KHDRBS2: variants seen among roughly 807,000 people sequenced by gnomAD.
KHDRBS2 encodes KH domain-containing, RNA-binding, signal transduction-associated protein 2.
In KHDRBS2, 26 loss-of-function variants were observed where a neutral mutation model predicts 44.3. That is an observed-to-expected ratio of 0.59 (90% CI 0.43 to 0.81). The LOEUF is 0.81. KHDRBS2 is among the 40% of genes least tolerant of loss of function. The probability of loss-of-function intolerance (pLI) is 0.00; values close to 1 mark genes in which losing one functional copy is unlikely to be tolerated. For missense variants in KHDRBS2, 476 were observed against 433.1 expected, an observed-to-expected ratio of 1.10 and a Z score of -0.88; for synonymous variants, 194 against 151.1, an observed-to-expected ratio of 1.28 and a Z score of -2.08.
chr6:61,587,110 A>G, the KHDRBS2 span, among the ~76,000 whole-genome samples: 4 of 151,992 alleles, frequency 2.6e-5, no homozygotes, highest in Non-Finnish European at 5.9e-5. Context: ...CCCCACCAAC[A>G]CTCTGTGCTG....
chr6:61,920,195 A>T (rs1807805986), intron 4 of KHDRBS2, among the ~76,000 whole-genome samples: 1 of 151,922 alleles, frequency 6.6e-6, no homozygotes, highest in African/African-American at 2.4e-5. Context: ...TCATGCAGCA[A>T]TTATGAATAT....
At position 61,720,061 on chromosome 6, in the gene KHDRBS2, G is replaced by A. The variant is rs549931717; in HGVS notation, c.893+12621C>T. 2.0e-5 allele frequency among the ~76,000 whole-genome samples: 3 copies of A among 152,162 alleles called. No individual in the cohort carries two copies. In the East Asian group the frequency reaches 5.8e-4, roughly 29 times the overall value. ...TTTTGTTCTTGCGATAGTTTACTGA[G>A]AATGATGATTTCCAATTTCATCCAT... On this transcript the variant is annotated intron_variant, in intron 7 of 8. Transcript: ENST00000281156.
At chr6:61,883,654 T>C (rs1800520515) in intron 6 of KHDRBS2, among the ~76,000 whole-genome samples, 1 of 152,094 alleles carries the variant, frequency 6.6e-6, no homozygotes, top group South Asian at 2.1e-4. Context: ...ATAAATGTAA[T>C]ATTTTAACAG....
At chr6:61,550,673 G>A in the KHDRBS2 span, among the ~76,000 whole-genome samples, 1 of 151,150 alleles carries the variant, frequency 6.6e-6, no homozygotes, top group Non-Finnish European at 1.5e-5. Context: ...CCCAAGAGCA[G>A]CATATAAGTA....
chr6:61,919,804 A>G (rs532924145), intron 4 of KHDRBS2, among the ~76,000 whole-genome samples: 1 of 152,068 alleles, frequency 6.6e-6, no homozygotes, highest in African/African-American at 2.4e-5. Context: ...ATAAGCAATA[A>G]TAAAAGAAGA....
At chr6:61,984,537 T>C (rs1343571469) in intron 3 of KHDRBS2, among the ~76,000 whole-genome samples, 3 of 152,334 alleles carry the variant, frequency 2.0e-5, no homozygotes, top group Admixed American at 6.5e-5. Context: ...CCACAACCCC[T>C]GACTCTGGAG....
At chr6:62,028,548 A>C (rs1452790149) in intron 3 of KHDRBS2, among the ~76,000 whole-genome samples, 1 of 152,128 alleles carries the variant, frequency 6.6e-6, no homozygotes, top group African/African-American at 2.4e-5. Context: ...CCAGTATATA[A>C]TTAGATATGA....
At chr6:61,608,003 T>A in the KHDRBS2 span, among the ~76,000 whole-genome samples, 93,604 of 152,056 alleles carry the variant, frequency 0.62, 29,041 homozygotes, top group Non-Finnish European at 0.65. Flanking sequence ...ATTTCTTTAA[T>A]GTAGCCAATG....
chr6:61,797,877 T>C (rs1446260173), intron 6 of KHDRBS2, among the ~76,000 whole-genome samples: 1 of 151,992 alleles, frequency 6.6e-6, no homozygotes, highest in East Asian at 1.9e-4. Context: ...TCTCAACTTT[T>C]ATTTTAGGTT....
intron 1 of KHDRBS2, among the ~76,000 whole-genome samples, chr6:62,185,721 C>T (rs1266342536): frequency 6.6e-6 from 1 of 151,780 alleles, no homozygotes; most frequent in African/African-American, 2.4e-5. Flanking sequence ...TTTTAATGCC[C>T]TAAACCCACT....
chr6:62,239,720 C>T (rs1268883742), intron 1 of KHDRBS2, among the ~76,000 whole-genome samples: 2 of 152,118 alleles, frequency 1.3e-5, no homozygotes, highest in Admixed American at 6.6e-5. Context: ...GAGCCTTGCT[C>T]TGTCACCTAG....
intron 4 of KHDRBS2, among the ~76,000 whole-genome samples, chr6:61,906,443 T>C (rs1805033492): frequency 6.6e-6 from 1 of 152,200 alleles, no homozygotes; most frequent in Non-Finnish European, 1.5e-5. Flanking sequence ...TACAATAAAT[T>C]ATCGTTGACT....
chr6:62,193,138 T>A (rs1160710826), intron 1 of KHDRBS2, among the ~76,000 whole-genome samples: 2 of 152,066 alleles, frequency 1.3e-5, no homozygotes, highest in African/African-American at 4.8e-5. Flanking sequence ...TATATGTATA[T>A]AGGTATGTGT....
chr6:61,552,324 G>T, the KHDRBS2 span, among the ~76,000 whole-genome samples: 1 of 151,970 alleles, frequency 6.6e-6, no homozygotes, highest in Non-Finnish European at 1.5e-5. Context: ...GGATGCTGTT[G>T]GTGCATGGGA....
Position 61,680,957 on chromosome 6 carries a change from G to C in KHDRBS2, c.*6C>G, listed in dbSNP as rs182499614. On this transcript the variant is annotated 3_prime_UTR_variant, in exon 9 of 9. Coordinates refer to ENST00000281156, the MANE Select transcript of KHDRBS2 (RefSeq NM_152688.4). ...TTTGAGGTGAGGTCACAGGTGGGAA[G>C]GACCTTCAATATCTACCATAGGGGT... The C allele has an allele frequency of 6.3e-7, 1 of 1,587,926 alleles. No individual in the cohort carries two copies. Among genetic ancestry groups the C allele is most frequent in the Non-Finnish European group, 8.6e-7 (1 of 1,158,334 alleles).
At chr6:62,136,726 T>C (rs1415874540) in intron 2 of KHDRBS2, among the ~76,000 whole-genome samples, 1 of 152,174 alleles carries the variant, frequency 6.6e-6, no homozygotes, top group African/African-American at 2.4e-5. Flanking sequence ...ACAGCCACTA[T>C]CACATGAGAT....
the KHDRBS2 span, among the ~76,000 whole-genome samples, chr6:61,671,467 C>T: frequency 6.6e-6 from 1 of 151,638 alleles, no homozygotes; most frequent in African/African-American, 2.4e-5. Context: ...CAATTCCTCT[C>T]ATAATAAAGT....
intron 6 of KHDRBS2, among the ~76,000 whole-genome samples, chr6:61,805,513 T>C (rs1787008412): frequency 6.6e-6 from 1 of 152,174 alleles, no homozygotes; most frequent in African/African-American, 2.4e-5. Context: ...CCCTACTCTA[T>C]GTGGTACCAA....
the KHDRBS2 span, among the ~76,000 whole-genome samples, chr6:61,645,555 G>T: frequency 6.6e-6 from 1 of 151,308 alleles, no homozygotes. Context: ...GTAGTCCTTG[G>T]AGCTTTGAAA....
Sources: allele counts gnomAD v4.1 joint callset (sites outside exome capture counted in the v4.1 genomes callset), GRCh38; gene constraint gnomAD v4.1.1; transcripts MANE v1.5; gene names NCBI Gene and HGNC (gene_info 2026-07-23, HGNC 2026-07-21).